Variants in AGTPBP1 observed in about 807,000 individuals in gnomAD.
AGTPBP1 encodes ATP/GTP binding carboxypeptidase 1.
Under a neutral mutation model 143.9 loss-of-function variants are expected in AGTPBP1, and 70 were observed. The ratio of observed to expected loss-of-function variants is 0.49; its 90% CI spans 0.40 to 0.59. The LOEUF is 0.59. Ranked by LOEUF, AGTPBP1 falls within the 20% of genes least tolerant of loss-of-function variation. The pLI, the probability that AGTPBP1 is intolerant of heterozygous loss-of-function variation, is 0.00. For missense variants in AGTPBP1, 1,229 were observed against 1,464.5 expected (o/e 0.84, Z 2.62); for synonymous variants, 463 against 500.2 (o/e 0.93, Z 0.99).
At chr9:85,589,779 T>A in intron 19 of AGTPBP1, 98 bp from the exon 20 acceptor site, 13 of 1,185,504 alleles carry the variant, frequency 1.1e-5, no homozygotes, top group African/African-American at 1.5e-5. Context: ...TAGAAGTGAA[T>A]CAGATTCTTA....
chr9:85,633,234 T>C lies in AGTPBP1; in HGVS notation c.1443A>G (p.Ile481Met), dbSNP rs776433313. ...TTTCACCTTCATCTCCTTTAGAAGA[T>C]ATGTTCTCCTTCATTACAACTTTTC... The part of the protein sequence containing the change: ...NLRKVVMKEN[I>M]SSKGDEGEKK... Residue 481 changes from isoleucine to methionine, a missense_variant, in exon 14 of 26, where the codon ATA becomes ATG. Ile to Met is a conservative substitution (Grantham distance 10). Around this residue, in one of 2 missense-constraint regions of AGTPBP1, gnomAD observed 743 missense variants for 812.2 expected, o/e 0.91. Transcript: ENST00000357081. 3.1e-6 allele frequency: 5 copies of C among 1,613,864 alleles called. No individual in the cohort carries two copies. The highest frequency in any genetic ancestry group is 4.2e-6 in the Non-Finnish European group (5 of 1,179,984).
the AGTPBP1 span, among the ~76,000 whole-genome samples, chr9:85,798,693 T>C: frequency 1.3e-5 from 2 of 152,214 alleles, no homozygotes; most frequent in South Asian, 2.1e-4. Context: ...GTTTGTTCAT[T>C]GTAGGTTCTG....
chr9:85,569,053 G>A (rs1461058025), intron 25 of AGTPBP1, among the ~76,000 whole-genome samples: 1 of 152,148 alleles, frequency 6.6e-6, no homozygotes. Context: ...AAATTGAGAA[G>A]TGGAAGAGGA....
chr9:85,578,628 C>CTA (rs1296895785), intron 24 of AGTPBP1, among the ~76,000 whole-genome samples: 1 of 152,106 alleles, frequency 6.6e-6, no homozygotes, highest in East Asian at 1.9e-4. Context: ...TTATAAATTA[C>CTA]TAATGAGTAA....
intron 25 of AGTPBP1, among the ~76,000 whole-genome samples, chr9:85,562,565 T>C (rs1826809851): frequency 6.6e-6 from 1 of 152,202 alleles, no homozygotes; most frequent in African/African-American, 2.4e-5. Flanking sequence ...CTCTGTTTAA[T>C]TTACATCTAA....
the AGTPBP1 span, among the ~76,000 whole-genome samples, chr9:85,763,333 G>GACC: frequency 4.2e-3 from 638 of 152,184 alleles, 1 homozygote; most frequent in Non-Finnish European, 6.3e-3. Flanking sequence ...CCAAAGGGAA[G>GACC]ACCCAGGACA....
At chr9:85,796,036 A>G in the AGTPBP1 span, among the ~76,000 whole-genome samples, 4 of 152,050 alleles carry the variant, frequency 2.6e-5, 1 homozygote, top group African/African-American at 7.2e-5. Flanking sequence ...CAGTGTAAGG[A>G]ATGCATATGA....
intron 24 of AGTPBP1, among the ~76,000 whole-genome samples, chr9:85,576,639 G>A (rs933179983): frequency 6.6e-6 from 1 of 152,140 alleles, no homozygotes; most frequent in South Asian, 2.1e-4. Flanking sequence ...AAATATTGTT[G>A]AGGGTGAAAA....
intron 20 of AGTPBP1, among the ~76,000 whole-genome samples, chr9:85,589,234 C>T (rs1587690914): frequency 6.6e-6 from 1 of 151,976 alleles, no homozygotes; most frequent in African/African-American, 2.4e-5. Context: ...ATTACACGAC[C>T]TCTTAAAATA....
At chr9:85,606,823 C>G (rs1305238205) in intron 17 of AGTPBP1, among the ~76,000 whole-genome samples, 9 of 151,908 alleles carry the variant, frequency 5.9e-5, no homozygotes. Context: ...ATTGCATGTT[C>G]TCACTCATAT....
chr9:85,601,670 G>A (rs966740578), intron 17 of AGTPBP1, among the ~76,000 whole-genome samples: 3 of 152,118 alleles, frequency 2.0e-5, no homozygotes, highest in Non-Finnish European at 2.9e-5. Context: ...AGGAGCCAAA[G>A]GACCCACCCA....
chr9:85,759,341 C>T, the AGTPBP1 span, among the ~76,000 whole-genome samples: 1 of 152,218 alleles, frequency 6.6e-6, no homozygotes, highest in Admixed American at 6.5e-5. Flanking sequence ...CCACATCACA[C>T]TTATTCCAAA....
intron 17 of AGTPBP1, among the ~76,000 whole-genome samples, chr9:85,603,996 A>T (rs541551209): frequency 2.2e-4 from 34 of 152,338 alleles, no homozygotes; most frequent in African/African-American, 7.7e-4. Flanking sequence ...GATTCCTAAC[A>T]TTCCCGACTC....
At chr9:85,771,583 G>A in the AGTPBP1 span, among the ~76,000 whole-genome samples, 4 of 152,030 alleles carry the variant, frequency 2.6e-5, no homozygotes, top group Non-Finnish European at 4.4e-5. Flanking sequence ...TATTGTTATT[G>A]ATGAGAGTGC....
Position 85,578,988 on chromosome 9 carries a change from C to A in AGTPBP1, c.3274G>T (p.Glu1092Ter), listed in dbSNP as rs1211292061. The change falls in exon 24 of 26, where the codon GAA becomes TAA. Residue 1092 changes from glutamate to a stop codon, truncating the protein, a stop_gained. Transcript: ENST00000357081. LOFTEE classifies it high-confidence loss of function. ...GTATAACTTCTTTGTACTCCTATTT[C>A]CCTCCAAACTACAACACGTGCTGTG... is the stretch of plus-strand genomic sequence containing the variant. The part of the protein sequence containing the change: ...ESTARVVVWR[E>*]IGVQRSYTME... 1 of 1,613,126 alleles carries A rather than the reference C, an allele frequency of 6.2e-7. No individual in the cohort carries two copies. Among genetic ancestry groups the A allele is most frequent in the Non-Finnish European group, 8.5e-7 (1 of 1,179,706 alleles).
chr9:85,728,036 C>T (rs866173875), intron 1 of AGTPBP1, among the ~76,000 whole-genome samples: 5,947 of 126,944 alleles, frequency 0.047, 226 homozygotes, highest in East Asian at 0.11. Flanking sequence ...TATATACACA[C>T]ACACACACAC....
At chr9:85,579,902 AAT>A (rs1180576344) in intron 23 of AGTPBP1, among the ~76,000 whole-genome samples, 1 of 151,518 alleles carries the variant, frequency 6.6e-6, no homozygotes. Context: ...AAAATTAATA[AAT>A]ATTTTTAAAT....
chr9:85,603,057 C>T (rs562197794), intron 17 of AGTPBP1, among the ~76,000 whole-genome samples: 1 of 152,292 alleles, frequency 6.6e-6, no homozygotes, highest in African/African-American at 2.4e-5. Flanking sequence ...CTCTGGCGTC[C>T]TACATAAACT....
chr9:85,651,394 T>C (rs1393962352), intron 11 of AGTPBP1, among the ~76,000 whole-genome samples: 2 of 152,204 alleles, frequency 1.3e-5, no homozygotes, highest in African/African-American at 4.8e-5. Context: ...AACAGTATAA[T>C]ATTAGGAAAT....
Sources: gnomAD v4.1 joint callset for allele counts (sites outside exome capture counted in the v4.1 genomes callset) on GRCh38, gnomAD v4.1.1 for gene constraint, gnomAD v4.1.1 regional missense constraint, MANE v1.5 for transcripts, NCBI Gene and HGNC (gene_info 2026-07-23, HGNC 2026-07-21) for gene names.